The following ZNF469 variants were observed in gnomAD, a reference collection of about 807,000 sequenced individuals.
ZNF469 encodes the protein zinc finger protein 469.
ZNF469 carries 1 observed loss-of-function variant against 1.0 expected under a neutral mutation model. That is an observed-to-expected ratio of 1.00 (90% CI 0.35 to 4.73). The LOEUF (loss-of-function observed/expected upper bound fraction) is 4.73, where lower values mean the gene tolerates loss of function less well. Among genes scored for constraint, ZNF469 ranks in the 30% most tolerant of loss-of-function variants. The pLI, the probability that ZNF469 is intolerant of heterozygous loss-of-function variation, is 0.16. For missense variants in ZNF469, 6,100 were observed against 5,356.3 expected (o/e 1.14, Z -4.33); for synonymous variants, 2,703 against 2,363.4 (o/e 1.14, Z -4.17).
chr16:88,305,296 G>T, the ZNF469 span, among the ~76,000 whole-genome samples: 10 of 107,398 alleles, frequency 9.3e-5, no homozygotes, highest in Non-Finnish European at 1.9e-4. Flanking sequence ...ACACACACAC[G>T]CACACCCTCA....
At chr16:88,228,202 G>C in the ZNF469 span, among the ~76,000 whole-genome samples, 1 of 152,278 alleles carries the variant, frequency 6.6e-6, no homozygotes, top group African/African-American at 2.4e-5. Context: ...GGCTCACTGG[G>C]AGGGTGTGGG....
At chr16:88,121,025 C>T in the ZNF469 span, among the ~76,000 whole-genome samples, 8 of 150,990 alleles carry the variant, frequency 5.3e-5, 1 homozygote, top group African/African-American at 1.2e-4. Flanking sequence ...TGGGATGGCA[C>T]GAGGCACCCG....
chr16:88,147,927 C>T, the ZNF469 span, among the ~76,000 whole-genome samples: 1 of 152,122 alleles, frequency 6.6e-6, no homozygotes, highest in Non-Finnish European at 1.5e-5. Context: ...GTGATTGTGG[C>T]TTCCTTCGTC....
the ZNF469 span, among the ~76,000 whole-genome samples, chr16:88,125,699 T>C: frequency 6.6e-6 from 1 of 152,258 alleles, no homozygotes; most frequent in Non-Finnish European, 1.5e-5. Flanking sequence ...AATCAGAGTA[T>C]AGTAGCTCAT....
chr16:88,229,302 C>T, the ZNF469 span, among the ~76,000 whole-genome samples: 15 of 152,250 alleles, frequency 9.9e-5, no homozygotes, highest in Admixed American at 3.9e-4. Flanking sequence ...GCGAGCAGCC[C>T]GTCAGGCGGC....
At chr16:88,395,909 T>A (rs1354886236) in intron 1 of ZNF469, among the ~76,000 whole-genome samples, 1 of 152,226 alleles carries the variant, frequency 6.6e-6, no homozygotes, top group African/African-American at 2.4e-5. Context: ...CTTCTGCACC[T>A]GTCCCGAGGG....
chr16:88,227,225 G>C, the ZNF469 span, among the ~76,000 whole-genome samples: 1 of 152,196 alleles, frequency 6.6e-6, no homozygotes, highest in African/African-American at 2.4e-5. Context: ...GGATACATAA[G>C]GGCGGGCACC....
the ZNF469 span, among the ~76,000 whole-genome samples, chr16:88,165,543 G>A: frequency 1.2e-4 from 18 of 152,336 alleles, no homozygotes; most frequent in African/African-American, 4.1e-4. Context: ...AGCAGCTGGT[G>A]AGAATCTCTG....
the ZNF469 span, among the ~76,000 whole-genome samples, chr16:88,121,034 C>T: frequency 3.0e-4 from 46 of 151,014 alleles, 1 homozygote; most frequent in South Asian, 7.4e-3. Context: ...ACGAGGCACC[C>T]GCTATGTACT....
chr16:88,306,582 A>C, the ZNF469 span, among the ~76,000 whole-genome samples: 28 of 152,338 alleles, frequency 1.8e-4, no homozygotes, highest in African/African-American at 5.3e-4. Context: ...TGGGGCCACC[A>C]GCACCAACAG....
rs1487953998 is a variant in ZNF469, at chr16:88,427,812, C to A, written c.342C>A (p.Gly114=). ...CAAGGCTGGCGGGCAGGGCAGAGGGCAGCCCCCCACAGCGCTACATTCTGG... is the reference window on the plus strand; with the variant it reads ...CAAGGCTGGCGGGCAGGGCAGAGGGAAGCCCCCCACAGCGCTACATTCTGG... The part of the protein sequence containing the change: ...APSRLAGRAE[G]SPPQRYILGI... The change falls in exon 3 of 3, where the codon GGC becomes GGA. Residue 114 remains glycine, a synonymous_variant. Transcript: ENST00000565624. The A allele has an allele frequency of 6.5e-7, 1 of 1,548,060 alleles. No homozygotes were observed. The highest frequency in any genetic ancestry group is 8.7e-7 in the Non-Finnish European group (1 of 1,146,788).
chr16:88,181,072 ACT>A, the ZNF469 span, among the ~76,000 whole-genome samples: 25 of 136,946 alleles, frequency 1.8e-4, no homozygotes, highest in African/African-American at 5.5e-4. Flanking sequence ...CAGAATACAC[ACT>A]TTTTTTTTTT....
At chr16:88,186,909 C>T in the ZNF469 span, among the ~76,000 whole-genome samples, 3 of 151,988 alleles carry the variant, frequency 2.0e-5, no homozygotes, top group African/African-American at 4.8e-5. Context: ...AGATGCAGGA[C>T]ACGCCGGAGA....
At chr16:88,316,850 G>A in the ZNF469 span, among the ~76,000 whole-genome samples, 47 of 152,176 alleles carry the variant, frequency 3.1e-4, no homozygotes, top group African/African-American at 1.0e-3. Flanking sequence ...CCCAGCCTGG[G>A]TGCTGTCTCA....
chr16:88,169,372 G>A, the ZNF469 span, among the ~76,000 whole-genome samples: 2 of 152,274 alleles, frequency 1.3e-5, no homozygotes, highest in African/African-American at 4.8e-5. This position sits in a 1 kb window ranked among gnomAD's most constrained non-coding sequence, Gnocchi z 6.1. Context: ...AGACTCCCTT[G>A]TGCCCTGGGA....
the ZNF469 span, among the ~76,000 whole-genome samples, chr16:88,215,868 A>G: frequency 6.6e-6 from 1 of 152,164 alleles, no homozygotes; most frequent in Non-Finnish European, 1.5e-5. Context: ...GTGGTCTTGC[A>G]TTATTAATTC....
chr16:88,247,524 A>G, the ZNF469 span, among the ~76,000 whole-genome samples: 704 of 150,496 alleles, frequency 4.7e-3, 8 homozygotes, highest in African/African-American at 0.016. Flanking sequence ...GAGTGAGTGA[A>G]TGAGTGAGTG....
chr16:88,201,504 G>A, the ZNF469 span, among the ~76,000 whole-genome samples: 1 of 152,184 alleles, frequency 6.6e-6, no homozygotes, highest in East Asian at 1.9e-4. The surrounding 1 kb of genome is among the most constrained non-coding windows in gnomAD (Gnocchi z 5.0). Flanking sequence ...GCAGTGAGCC[G>A]AGATTGTGCC....
the ZNF469 span, among the ~76,000 whole-genome samples, chr16:88,234,122 GT>G: frequency 1.3e-5 from 2 of 152,210 alleles, no homozygotes; most frequent in Non-Finnish European, 2.9e-5. Context: ...GAAGCCCTGT[GT>G]ACAAAAGCCG....
Sources: gnomAD v4.1 joint callset for allele counts (sites outside exome capture counted in the v4.1 genomes callset) on GRCh38, gnomAD v4.1.1 for gene constraint, Gnocchi (gnomAD v3.1) non-coding constraint, MANE v1.5 for transcripts, NCBI Gene and HGNC (gene_info 2026-07-23, HGNC 2026-07-21) for gene names.